The following TRIM46 variants were observed in gnomAD, a reference collection of about 807,000 sequenced individuals.
TRIM46 encodes tripartite motif-containing protein 46.
A neutral mutation model predicts 69.7 loss-of-function variants in TRIM46; 17 were observed. The observed-to-expected ratio is 0.24, with a 90% CI of 0.17 to 0.37. The LOEUF is 0.37. Among genes scored for constraint, TRIM46 ranks in the 10% least tolerant of loss-of-function variants. The probability of loss-of-function intolerance (pLI) is 1.00; values close to 1 mark genes in which losing one functional copy is unlikely to be tolerated. For missense variants in TRIM46, 675 were observed against 1,025.1 expected (o/e 0.66, Z 4.66); for synonymous variants, 391 against 429.0 (o/e 0.91, Z 1.09).
intron 9 of TRIM46, 106 bp downstream of exon 9, chr1:155,182,255 G>A: frequency 8.2e-7 from 1 of 1,212,280 alleles, no homozygotes; most frequent in South Asian, 1.5e-5. Flanking sequence ...GGCTGGGAGG[G>A]GATTAGGAGG....
In TRIM46 at chr1:155,175,623, C is replaced by T. The variant is rs1019707514; in HGVS notation, c.301C>T (p.Arg101Cys). 5.0e-6 allele frequency: 8 copies of T among 1,613,724 alleles called. No individual in the cohort carries two copies. Among genetic ancestry groups the T allele is most frequent in the Non-Finnish European group, 6.8e-6 (8 of 1,179,992 alleles). ...LSRRTLPKPD[R>C]LDRLLKSGFG... is the part of the protein sequence containing the mutation. ...CCGCAGAACTCTCCCCAAGCCAGAC[C>T]GCCTGGACCGGCTGCTTAAGTCAGG... Residue 101 changes from arginine (R) to cysteine (C), a missense_variant, in exon 2 of 10, where the codon CGC (arginine) becomes TGC (cysteine). This residue lies in a region of TRIM46 where 170 missense variants were observed against 255.6 expected (regional missense o/e 0.67). Coordinates refer to ENST00000334634, the MANE Select transcript of TRIM46 (RefSeq NM_025058.5). The surrounding 1 kb of genome is among the most constrained non-coding windows in gnomAD (Gnocchi z 4.2).
intron 5 of TRIM46, 137 bp downstream of exon 5, chr1:155,177,427 G>A (rs1002757832): frequency 6.1e-5 from 46 of 751,194 alleles, no homozygotes; most frequent in African/African-American, 4.0e-4. Context: ...GTTAAACCAG[G>A]TTTGCAGGAA....
In TRIM46 at chr1:155,184,134, G is replaced by A. The variant is rs753022255; in HGVS notation, c.2224G>A (p.Val742Met). ...TGGCGCAGTACAGCTCCAGGAGCCA[G>A]TGGGCACTAAGCCTGAGAGGAAAGT... is the stretch of plus-strand genomic sequence containing the variant. ...GGGAVQLQEP[V>M]GTKPERKVTI... Residue 742 changes from valine to methionine, a missense_variant, in exon 10 of 10, where the codon GTG becomes ATG. Val to Met is a conservative substitution (Grantham distance 21). Around this residue, in one of 5 missense-constraint regions of TRIM46, gnomAD observed 108 missense variants for 153.0 expected, o/e 0.71. Transcript: ENST00000334634. This position sits in a 1 kb window ranked among gnomAD's most constrained non-coding sequence, Gnocchi z 5.6. 3 of 1,613,832 alleles carry A rather than the reference G, an allele frequency of 1.9e-6. No homozygotes were observed. The highest frequency in any genetic ancestry group is 1.1e-5 in the South Asian group (1 of 91,086).
At position 155,175,104 on chromosome 1, in the gene TRIM46, G is replaced by T. The variant is rs1665531621; in HGVS notation, c.64-282G>T. 1 of 1,368,168 alleles carries T rather than the reference G, an allele frequency of 7.3e-7. No individual in the cohort carries two copies. The highest frequency in any genetic ancestry group is 9.4e-7 in the Non-Finnish European group (1 of 1,061,956). The allele number at this position is 1,368,168 out of a possible 1,614,324, so 84.8% of individuals were successfully genotyped here. A position where few individuals can be genotyped will look rare whatever the true frequency, so the allele number is the denominator to read the frequency against. On this transcript the variant is annotated intron_variant, in intron 1 of 9. Coordinates refer to ENST00000334634, the MANE Select transcript of TRIM46 (RefSeq NM_025058.5). This position sits in a 1 kb window ranked among gnomAD's most constrained non-coding sequence, Gnocchi z 4.2. Reference sequence around the variant, plus strand: ...GCAGGTGAGGGGGCTGCCAGCTGGGGCTACTGCAGCTGGAGAAATGGGGAT... The same window carrying T: ...GCAGGTGAGGGGGCTGCCAGCTGGGTCTACTGCAGCTGGAGAAATGGGGAT...
Position 155,184,232 on chromosome 1 carries a change from C to G in TRIM46, c.*42C>G. ...ATGCAGACCTGGGGTCCTCCTGGGC[C>G]CTGGCCCCCAAACCTCTTGGCACCC... On this transcript the variant is annotated 3_prime_UTR_variant, in exon 10 of 10. Transcript: ENST00000334634. This position sits in a 1 kb window ranked among gnomAD's most constrained non-coding sequence, Gnocchi z 5.6. 6.6e-7 allele frequency: 1 copy of G among 1,521,342 alleles called. No homozygotes were observed. The highest frequency in any genetic ancestry group is 8.8e-7 in the Non-Finnish European group (1 of 1,138,242). The allele number at this position is 1,521,342 out of a possible 1,614,324, so 94.2% of individuals were successfully genotyped here.
intron 7 of TRIM46, 118 bp downstream of exon 7, chr1:155,178,731 G>T (rs2147786690): frequency 1.4e-6 from 2 of 1,471,828 alleles, no homozygotes; most frequent in East Asian, 2.5e-5. Context: ...GGCCTGGCCA[G>T]CCATTCCTCC....
rs769917036 is a variant in TRIM46, at chr1:155,178,008, G to T, written c.916G>T (p.Gly306Cys). The T allele has an allele frequency of 6.2e-7, 1 of 1,612,846 alleles. No individual in the cohort carries two copies. Among genetic ancestry groups the T allele is most frequent in the East Asian group, 2.2e-5 (1 of 44,884 alleles). Residue 306 changes from glycine (G) to cysteine (C), a missense_variant, in exon 6 of 10, where the codon GGT becomes TGT. Coordinates refer to ENST00000334634, the MANE Select transcript of TRIM46 (RefSeq NM_025058.5). ...GGTGTTGCTCCCTGGGCAGGTGAGT[G>T]GTCAGCAGGCCAAGGAGGAGGTGTC... Reference protein sequence around the residue: ...EEAVRHTEVSGQQAKEEVSQL... With the variant: ...EEAVRHTEVSCQQAKEEVSQL...
chr1:155,182,087 C>T lies in TRIM46; in HGVS notation c.1824C>T (p.Gly608=). 6.2e-7 allele frequency: 1 copy of T among 1,614,130 alleles called. No individual in the cohort carries two copies. Among genetic ancestry groups the T allele is most frequent in the Non-Finnish European group, 8.5e-7 (1 of 1,180,012 alleles). The change falls in exon 9 of 10, where the codon GGC becomes GGT. Residue 608 remains glycine, a synonymous_variant. Coordinates refer to ENST00000334634, the MANE Select transcript of TRIM46 (RefSeq NM_025058.5). The part of the protein sequence containing the change: ...VDPASYLVKV[G]VGLESKLQES... The stretch of plus-strand genomic sequence containing the variant: ...CAGCCTCCTACTTGGTCAAGGTGGG[C>T]GTCGGGCTGGAGAGCAAGCTTCAAG...
In TRIM46 at chr1:155,176,038, G is replaced by A. The variant is rs375842313; in HGVS notation, c.476G>A (p.Arg159Gln). 1.2e-5 allele frequency: 19 copies of A among 1,613,996 alleles called. No individual in the cohort carries two copies. Among genetic ancestry groups the A allele is most frequent in the Non-Finnish European group, 1.4e-5 (17 of 1,180,014 alleles). The change falls in exon 3 of 10, where the codon CGG becomes CAG. Residue 159 changes from arginine to glutamine, a missense_variant. By Grantham distance (43) the Arg-to-Gln change is conservative (BLOSUM62 1). This residue lies in a region of TRIM46 where 170 missense variants were observed against 255.6 expected (regional missense o/e 0.67). Transcript: ENST00000334634. ...RNLTLERVVE[R>Q]YRQSVSVGGA... The stretch of plus-strand genomic sequence containing the variant: ...CTGACCCTGGAGCGTGTGGTGGAGC[G>A]GTACCGCCAGAGTGTGAGTGTGGGA...
At chr1:155,174,477 A>G in intron 1 of TRIM46, 2 of 1,410,732 alleles carry the variant, frequency 1.4e-6, no homozygotes, top group Non-Finnish European at 1.9e-6. Context: ...ACCCCCACTC[A>G]GGGCTGCTTC....
chr1:155,183,013 C>G (rs931405568), intron 9 of TRIM46, among the ~76,000 whole-genome samples: 33 of 150,870 alleles, frequency 2.2e-4, no homozygotes, highest in Non-Finnish European at 3.8e-4. Flanking sequence ...CGGGTTCACA[C>G]CATTCTCCTG....
chr1:155,182,704 G>A (rs535870554), intron 9 of TRIM46: 27 of 154,566 alleles, frequency 1.7e-4, no homozygotes, highest in Admixed American at 5.8e-4. Flanking sequence ...ATAGCTGGGC[G>A]TGGTAGCGCA....
Position 155,179,109 on chromosome 1 carries a change from C to T in TRIM46, c.1285+496C>T, listed in dbSNP as rs1235883067. Among the ~76,000 whole-genome samples the T allele has an allele frequency of 3.9e-5, 6 of 152,234 alleles. No individual in the cohort carries two copies. In the East Asian group the frequency reaches 1.2e-3, roughly 29 times the overall value. Reference sequence around the variant, plus strand: ...CTTCCTTTCCCTTGACCTCCAACCCCTGCCCTCAGCTTTTGCTGTCCCTCT... The same window carrying T: ...CTTCCTTTCCCTTGACCTCCAACCCTTGCCCTCAGCTTTTGCTGTCCCTCT... On this transcript the variant is annotated intron_variant, in intron 7 of 9. Coordinates refer to ENST00000334634, the MANE Select transcript of TRIM46 (RefSeq NM_025058.5).
intron 5 of TRIM46, 110 bp from the exon 6 acceptor site, chr1:155,177,892 A>G: frequency 6.9e-6 from 10 of 1,457,024 alleles, no homozygotes; most frequent in Non-Finnish European, 9.2e-6. Context: ...ATTTCCCCAG[A>G]TCCCTTGTGA....
chr1:155,179,538 G>A (rs1459626021), intron 7 of TRIM46, 94 bp from the exon 8 acceptor site: 3 of 1,198,256 alleles, frequency 2.5e-6, no homozygotes, highest in South Asian at 1.5e-5. Flanking sequence ...TCACCCCCCC[G>A]GCTCCCGCTG....
Position 155,184,351 on chromosome 1 carries a change from C to T in TRIM46, c.*161C>T. On this transcript the variant is annotated 3_prime_UTR_variant, in exon 10 of 10. Coordinates refer to ENST00000334634, the MANE Select transcript of TRIM46 (RefSeq NM_025058.5). This position sits in a 1 kb window ranked among gnomAD's most constrained non-coding sequence, Gnocchi z 5.6. ...CTGTCTTCCCACAGTTTTCTCTTGA[C>T]CCAGGGGCTCTCTTCTGCCCACCTC... The T allele has an allele frequency of 1.2e-6, 1 of 802,586 alleles. No individual in the cohort carries two copies. 49.7% of individuals were successfully genotyped at this position (802,586 alleles called of 1,614,324 possible).
Position 155,174,905 on chromosome 1 carries a change from A to C in TRIM46, c.64-481A>C, listed in dbSNP as rs1338838573. ...AGTGGCCGCAGGCCGGAGCTGCGGC[A>C]GGAGGACGTATGGAGCGAGCAGGAT... On this transcript the variant is annotated intron_variant, in intron 1 of 9. Transcript: ENST00000334634. 5.0e-6 allele frequency: 7 copies of C among 1,408,648 alleles called. No individual in the cohort carries two copies. In the East Asian group the frequency reaches 1.6e-4, roughly 33 times the overall value. The allele number at this position is 1,408,648 out of a possible 1,614,324, so 87.3% of individuals were successfully genotyped here.
chr1:155,176,967 C>A lies in TRIM46; in HGVS notation c.705C>A (p.Thr235=). ...LMCPDHKEEV[T]HYCKTCQRLV... ...GCCCAGACCACAAGGAAGAGGTGAC[C>A]CACTACTGCAAGACATGCCAACGCC... The change falls in exon 4 of 10, where the codon ACC becomes ACA. Residue 235 remains threonine (T), a synonymous_variant. Coordinates refer to ENST00000334634, the MANE Select transcript of TRIM46 (RefSeq NM_025058.5). 3 of 1,614,218 alleles carry A rather than the reference C, an allele frequency of 1.9e-6. No individual in the cohort carries two copies. The highest frequency in any genetic ancestry group is 2.5e-6 in the Non-Finnish European group (3 of 1,180,022).
intron 7 of TRIM46, 126 bp downstream of exon 7, chr1:155,178,739 T>TTGGGCCC: frequency 2.1e-4 from 289 of 1,347,664 alleles, no homozygotes; most frequent in Non-Finnish European, 2.7e-4. Context: ...CAGCCATTCC[T>TTGGGCCC]CCCACCCAGC....
Sources: allele counts gnomAD v4.1 joint callset (sites outside exome capture counted in the v4.1 genomes callset), GRCh38; gene constraint gnomAD v4.1.1; regional missense constraint gnomAD v4.1.1; non-coding constraint Gnocchi (gnomAD v3.1); transcripts MANE v1.5; gene names NCBI Gene and HGNC (gene_info 2026-07-23, HGNC 2026-07-21).